The following ZNF700 variants were observed in gnomAD, a reference collection of about 807,000 sequenced individuals.
ZNF700 encodes zinc finger protein 700.
ZNF700 carries 38 observed loss-of-function variants against 65.3 expected under a neutral mutation model. The observed-to-expected ratio is 0.58, with a 90% CI of 0.45 to 0.76. The LOEUF is 0.76. Among genes scored for constraint, ZNF700 ranks in the 30% least tolerant of loss-of-function variants. The probability of loss-of-function intolerance (pLI) is 0.00; values close to 1 mark genes in which losing one functional copy is unlikely to be tolerated. For missense variants in ZNF700, 857 were observed against 888.4 expected (o/e 0.96, Z 0.45); for synonymous variants, 285 against 290.4 (o/e 0.98, Z 0.19).
At chr19:11,938,745 G>A (rs1972835692) in intron 1 of ZNF700, among the ~76,000 whole-genome samples, 1 of 152,186 alleles carries the variant, frequency 6.6e-6, no homozygotes, top group Non-Finnish European at 1.5e-5. Flanking sequence ...ATACCCAGTA[G>A]TGGGATGGCT....
Position 11,944,041 on chromosome 19 carries a change from T to C in ZNF700, c.64-3140T>C, listed in dbSNP as rs73509011. On this transcript the variant is annotated intron_variant, in intron 1 of 3. Transcript: ENST00000254321. ...GTGGTGTGAGTGGTCTGTGGTCCCT[T>C]CCACCATGGGCACAAGGGGGCTACA... Among the ~76,000 whole-genome samples, 1,246 of 152,268 alleles carry C rather than the reference T, an allele frequency of 8.2e-3. 14 individuals are homozygous for C. The highest frequency in any genetic ancestry group is 0.029 in the African/African-American group (1,185 of 41,548).
At chr19:11,927,780 G>T (rs1201793535) in intron 1 of ZNF700, among the ~76,000 whole-genome samples, 1 of 152,192 alleles carries the variant, frequency 6.6e-6, no homozygotes, top group Non-Finnish European at 1.5e-5. Flanking sequence ...AAGGATACTT[G>T]CAGGCATCTT....
chr19:11,926,252 A>G (rs1257647831), intron 1 of ZNF700, among the ~76,000 whole-genome samples: 2 of 152,048 alleles, frequency 1.3e-5, no homozygotes, highest in East Asian at 1.9e-4. Flanking sequence ...TTTCCATTCT[A>G]TCTATTTTTA....
chr19:11,930,339 A>C (rs1348409653), intron 1 of ZNF700, among the ~76,000 whole-genome samples: 2 of 148,522 alleles, frequency 1.3e-5, no homozygotes, highest in Non-Finnish European at 2.9e-5. Context: ...ACAAGGTTGT[A>C]TTTAGCTGTC....
chr19:11,937,576 C>G (rs567249908), intron 1 of ZNF700, among the ~76,000 whole-genome samples: 225 of 150,996 alleles, frequency 1.5e-3, no homozygotes, highest in Non-Finnish European at 2.8e-3. Context: ...GCAACCTCCA[C>G]CTCCCAGGTT....
intron 3 of ZNF700, 26 bp downstream of exon 3, chr19:11,947,600 A>G: frequency 6.3e-7 from 1 of 1,596,516 alleles, no homozygotes; most frequent in Admixed American, 1.7e-5. Context: ...AAGAGAAAGC[A>G]GTGTCTCTCT....
intron 1 of ZNF700, among the ~76,000 whole-genome samples, chr19:11,945,985 G>A (rs530584375): frequency 3.2e-4 from 48 of 152,214 alleles, no homozygotes; most frequent in Non-Finnish European, 5.6e-4. Context: ...GGGGGTGACC[G>A]GGGTGGTTAC....
intron 1 of ZNF700, among the ~76,000 whole-genome samples, chr19:11,946,447 G>T (rs992629959): frequency 6.6e-6 from 1 of 152,148 alleles, no homozygotes; most frequent in African/African-American, 2.4e-5. Context: ...CCCTTGGCGG[G>T]TGGGGAGAGA....
Position 11,949,757 on chromosome 19 carries a change from A to G in ZNF700, c.1733A>G (p.His578Arg), listed in dbSNP as rs138513757. 5.8e-5 allele frequency: 93 copies of G among 1,611,862 alleles called. No individual in the cohort carries two copies. The highest frequency in any genetic ancestry group is 7.5e-5 in the Non-Finnish European group (89 of 1,179,380). The change falls in exon 4 of 4, where the codon CAC becomes CGC. Residue 578 changes from histidine to arginine, a missense_variant. His to Arg is a conservative substitution (Grantham distance 29). This residue lies in a region of ZNF700 where 251 missense variants were observed against 250.3 expected (regional missense o/e 1.00). Coordinates refer to ENST00000254321, the MANE Select transcript of ZNF700 (RefSeq NM_144566.3). The part of the protein sequence containing the change: ...QCGKAFRSAS[H>R]LRMHERTHTG... ...GGGAAAGCCTTCAGATCTGCCTCAC[A>G]CCTTCGAATGCATGAAAGGACTCAC...
At chr19:11,925,881 C>G (rs1972619550) in intron 1 of ZNF700, among the ~76,000 whole-genome samples, 1 of 152,102 alleles carries the variant, frequency 6.6e-6, no homozygotes, top group Non-Finnish European at 1.5e-5. Flanking sequence ...CGAGGCGGCT[C>G]AAGACAGTTT....
chr19:11,949,686 T>C lies in ZNF700; in HGVS notation c.1662T>C (p.His554=), dbSNP rs746561380. 1.2e-6 allele frequency: 2 copies of C among 1,613,360 alleles called. No individual in the cohort carries two copies. The highest frequency in any genetic ancestry group is 3.3e-5 in the Admixed American group (2 of 59,922). ...AFRCCNSLRY[H]ERTHTGEKPY... ...GATGTTGCAATTCCCTTCGATATCA[T>C]GAAAGGACTCACACTGGAGAGAAAC... The change falls in exon 4 of 4, where the codon CAT becomes CAC. Residue 554 remains histidine, a synonymous_variant. Transcript: ENST00000254321.
At position 11,950,507 on chromosome 19, in the gene ZNF700, G is replaced by C. The variant is rs1383586564; in HGVS notation, c.*254G>C. On this transcript the variant is annotated 3_prime_UTR_variant, in exon 4 of 4. Transcript: ENST00000254321. ...CTAGTTCCGTTTGATATCATGAAAG[G>C]ACTTACACTGGAGTGAAACCCTATG... The C allele has an allele frequency of 6.2e-6, 4 of 644,106 alleles. No individual in the cohort carries two copies. The highest frequency in any genetic ancestry group is 1.1e-5 in the Non-Finnish European group (4 of 348,506). The allele number at this position is 644,106 out of a possible 1,614,324, so 39.9% of individuals were successfully genotyped here. A position where few individuals can be genotyped will look rare whatever the true frequency, so the allele number is the denominator to read the frequency against.
At chr19:11,930,301 T>A (rs1311381094) in intron 1 of ZNF700, among the ~76,000 whole-genome samples, 1 of 148,342 alleles carries the variant, frequency 6.7e-6, no homozygotes, top group African/African-American at 2.6e-5. Context: ...GAGAGAAATA[T>A]CCCAAAAGAC....
At chr19:11,944,179 G>A (rs561753608) in intron 1 of ZNF700, among the ~76,000 whole-genome samples, 71 of 152,272 alleles carry the variant, frequency 4.7e-4, no homozygotes, top group African/African-American at 1.6e-3. Flanking sequence ...GTAATTTTTC[G>A]TAAGGCCTGT....
At chr19:11,926,211 G>A (rs1200171108) in intron 1 of ZNF700, among the ~76,000 whole-genome samples, 2 of 152,142 alleles carry the variant, frequency 1.3e-5, no homozygotes, top group African/African-American at 4.8e-5. Flanking sequence ...TTGTTTGTAA[G>A]TTAGTATCTT....
At chr19:11,933,251 C>CAA (rs371220138) in intron 1 of ZNF700, among the ~76,000 whole-genome samples, 6 of 121,290 alleles carry the variant, frequency 4.9e-5, no homozygotes, top group Admixed American at 8.3e-5. Flanking sequence ...GGCCCTGTTT[C>CAA]AAAAAAAAAA....
At chr19:11,944,086 C>T (rs575774198) in intron 1 of ZNF700, among the ~76,000 whole-genome samples, 1 of 152,168 alleles carries the variant, frequency 6.6e-6, no homozygotes, top group African/African-American at 2.4e-5. Flanking sequence ...TTGATCCACA[C>T]TCTATTACCT....
At position 11,950,111 on chromosome 19, in the gene ZNF700, GA is replaced by G; in HGVS notation, c.2089del (p.Thr697HisfsTer124). 1 of 1,614,130 alleles carries G rather than the reference GA, an allele frequency of 6.2e-7. No homozygotes were observed. Among genetic ancestry groups the G allele is most frequent in the Non-Finnish European group, 8.5e-7 (1 of 1,180,004 alleles). On this transcript the variant is annotated frameshift_variant, in exon 4 of 4. Coordinates refer to ENST00000254321, the MANE Select transcript of ZNF700 (RefSeq NM_144566.3). LOFTEE classifies it high-confidence loss of function. ...TSAKILQIHA[R>X]THIGEKHYEC... Reference sequence around the variant, plus strand: ...GCCAAGATTCTTCAAATACATGCAAGAACACACATTGGAGAGAAACACTATG... The same window carrying G: ...GCCAAGATTCTTCAAATACATGCAAGACACACATTGGAGAGAAACACTATG...
intron 1 of ZNF700, among the ~76,000 whole-genome samples, chr19:11,931,609 T>C (rs1320515968): frequency 6.7e-6 from 1 of 148,202 alleles, no homozygotes; most frequent in Non-Finnish European, 1.5e-5. Context: ...TTAATTTTAG[T>C]GAGGGAAACA....
Sources: gnomAD v4.1 joint callset for allele counts (sites outside exome capture counted in the v4.1 genomes callset) on GRCh38, gnomAD v4.1.1 for gene constraint, gnomAD v4.1.1 regional missense constraint, MANE v1.5 for transcripts, NCBI Gene and HGNC (gene_info 2026-07-23, HGNC 2026-07-21) for gene names.